The following PKD2 variants were observed in gnomAD, a reference collection of about 807,000 sequenced individuals.
PKD2 encodes the protein polycystin 2, transient receptor potential cation channel.
In PKD2, 48 loss-of-function variants were observed where a neutral mutation model predicts 105.9. The ratio of observed to expected loss-of-function variants is 0.45; its 90% CI spans 0.36 to 0.58. The LOEUF is 0.58. Ranked by LOEUF, PKD2 falls within the 20% of genes least tolerant of loss-of-function variation. The pLI, the probability that PKD2 is intolerant of heterozygous loss-of-function variation, is 0.00. For synonymous variants in PKD2, 464 were observed against 481.1 expected (o/e 0.96, Z 0.46); for missense variants, 1,078 against 1,255.3 (o/e 0.86, Z 2.13).
chr4:88,044,177 G>C (rs1020813542), intron 5 of PKD2, among the ~76,000 whole-genome samples: 1 of 152,150 alleles, frequency 6.6e-6, no homozygotes, highest in African/African-American at 2.4e-5. Flanking sequence ...ATCCAACCAG[G>C]AGGAGACTAG....
chr4:88,038,144 A>G (rs1417041138), intron 3 of PKD2, 107 bp from the exon 4 acceptor site: 9 of 1,131,512 alleles, frequency 8.0e-6, no homozygotes, highest in Admixed American at 5.1e-5. Context: ...TTATCACTCT[A>G]CTATTTTCAT....
At chr4:88,009,117 G>A (rs1050951403) in intron 1 of PKD2, among the ~76,000 whole-genome samples, 2 of 152,132 alleles carry the variant, frequency 1.3e-5, no homozygotes, top group African/African-American at 4.8e-5. Context: ...AGCCCAGTGC[G>A]CCCAGCTCTA....
intron 1 of PKD2, among the ~76,000 whole-genome samples, chr4:88,014,248 A>G (rs180685430): frequency 1.3e-5 from 2 of 152,374 alleles, no homozygotes; most frequent in Admixed American, 1.3e-4. Context: ...AGAGAAAGAA[A>G]AGCAAATTTT....
chr4:88,044,529 T>C (rs967944477), intron 5 of PKD2, among the ~76,000 whole-genome samples: 1 of 152,194 alleles, frequency 6.6e-6, no homozygotes, highest in African/African-American at 2.4e-5. Context: ...TTATCCCTTA[T>C]CCAAAATGCT....
intron 1 of PKD2, among the ~76,000 whole-genome samples, chr4:88,010,353 G>A (rs951822030): frequency 2.0e-5 from 3 of 152,098 alleles, no homozygotes; most frequent in African/African-American, 7.2e-5. Flanking sequence ...TATTAAATAA[G>A]CAACATTTTA....
chr4:88,056,130 G>A lies in PKD2; in HGVS notation c.1761G>A (p.Ser587=), dbSNP rs771579151. ...INFNRTMSQL[S]TTMSRCAKDL... ...TTAACAGGACCATGAGCCAGCTCTC[G>A]ACAACCATGTCTCGATGTGCCAAAG... is the stretch of plus-strand genomic sequence containing the variant. Residue 587 remains serine, a synonymous_variant, in exon 8 of 15, where the codon TCG becomes TCA. Coordinates refer to ENST00000237596, the MANE Select transcript of PKD2 (RefSeq NM_000297.4). The A allele has an allele frequency of 8.7e-6, 14 of 1,613,582 alleles. No individual in the cohort carries two copies. Among genetic ancestry groups the A allele is most frequent in the African/African-American group, 1.3e-5 (1 of 75,006 alleles).
intron 1 of PKD2, among the ~76,000 whole-genome samples, chr4:88,013,722 A>AAAT (rs1726463790): frequency 6.6e-6 from 1 of 151,884 alleles, no homozygotes; most frequent in South Asian, 2.1e-4. Context: ...AAAAAAAAAA[A>AAAT]AGAGAGGATC....
intron 7 of PKD2, among the ~76,000 whole-genome samples, chr4:88,054,385 G>A (rs1355778060): frequency 2.0e-5 from 3 of 147,908 alleles, no homozygotes; most frequent in Non-Finnish European, 1.5e-5. Context: ...GGGCAACAGA[G>A]CAGCACTTCG....
At chr4:88,044,538 C>G (rs979915773) in intron 5 of PKD2, among the ~76,000 whole-genome samples, 3 of 152,224 alleles carry the variant, frequency 2.0e-5, no homozygotes, top group African/African-American at 7.2e-5. Context: ...ATCCAAAATG[C>G]TTAAGACCAG....
At chr4:88,065,917 C>G in intron 12 of PKD2, 38 bp downstream of exon 12, 3 of 1,081,420 alleles carry the variant, frequency 2.8e-6, no homozygotes, top group East Asian at 4.7e-5. Context: ...TGATTTGGTA[C>G]CTACAACACC....
At chr4:88,062,455 T>G (rs1014962136) in intron 10 of PKD2, among the ~76,000 whole-genome samples, 1 of 152,326 alleles carries the variant, frequency 6.6e-6, no homozygotes, top group Non-Finnish European at 1.5e-5. Flanking sequence ...CCCTTGACCT[T>G]CCACGGCAGT....
At chr4:88,024,121 G>A (rs1183967740) in intron 2 of PKD2, among the ~76,000 whole-genome samples, 1 of 152,090 alleles carries the variant, frequency 6.6e-6, no homozygotes, top group African/African-American at 2.4e-5. Flanking sequence ...TGTGAGTTAG[G>A]TGTTGAAGTT....
In PKD2 at chr4:88,075,686, C is replaced by T; in HGVS notation, c.2899C>T (p.His967Tyr). Residue 967 changes from histidine (H) to tyrosine (Y), a missense_variant, in exon 15 of 15, where the codon CAC (histidine) becomes TAC (tyrosine). Physicochemically the swap from His to Tyr is moderately conservative, Grantham distance 83. Coordinates refer to ENST00000237596, the MANE Select transcript of PKD2 (RefSeq NM_000297.4). ...AGGTGGAAATGGGAGTTCTAATGTC[C>T]ACGTATGATATGTGTGTTTCAGTAT... is the stretch of plus-strand genomic sequence containing the variant. ...GAGGNGSSNV[H>Y]V 4 of 1,605,864 alleles carry T rather than the reference C, an allele frequency of 2.5e-6. No homozygotes were observed. Among genetic ancestry groups the T allele is most frequent in the Non-Finnish European group, 3.4e-6 (4 of 1,172,740 alleles).
chr4:88,072,856 G>C (rs1050197317), intron 13 of PKD2, among the ~76,000 whole-genome samples: 3 of 151,210 alleles, frequency 2.0e-5, no homozygotes, highest in Non-Finnish European at 4.4e-5. Flanking sequence ...GTGCAACATG[G>C]TGAGACCCTC....
intron 1 of PKD2, among the ~76,000 whole-genome samples, chr4:88,008,913 C>T (rs1484012548): frequency 6.6e-6 from 1 of 152,014 alleles, no homozygotes; most frequent in Non-Finnish European, 1.5e-5. Context: ...AAGAACACCA[C>T]AAATAGAATA....
intron 10 of PKD2, among the ~76,000 whole-genome samples, chr4:88,063,396 C>T (rs2725206): frequency 0.31 from 46,746 of 151,876 alleles, 10,859 homozygotes; most frequent in African/African-American, 0.64. Context: ...CTGAGTGTGG[C>T]GACAGATGCC....
intron 13 of PKD2, among the ~76,000 whole-genome samples, chr4:88,073,878 A>G (rs1016794426): frequency 6.6e-6 from 1 of 152,154 alleles, no homozygotes; most frequent in African/African-American, 2.4e-5. Flanking sequence ...AGTCTACAGA[A>G]CCCTCTTGCC....
chr4:88,059,871 G>A (rs1720504017), intron 9 of PKD2, among the ~76,000 whole-genome samples: 1 of 152,088 alleles, frequency 6.6e-6, no homozygotes, highest in Non-Finnish European at 1.5e-5. Context: ...CCACCTTTCT[G>A]AGCCGATTGC....
At chr4:88,013,234 G>T (rs1217874300) in intron 1 of PKD2, among the ~76,000 whole-genome samples, 6 of 152,154 alleles carry the variant, frequency 3.9e-5, no homozygotes, top group Non-Finnish European at 7.3e-5. Context: ...GTAAGGTTGT[G>T]CCAGTAACAG....
Sources: gnomAD v4.1 joint callset for allele counts (sites outside exome capture counted in the v4.1 genomes callset) on GRCh38, gnomAD v4.1.1 for gene constraint, MANE v1.5 for transcripts, NCBI Gene and HGNC (gene_info 2026-07-23, HGNC 2026-07-21) for gene names.